The following TMEM178B variants were observed in gnomAD, a reference collection of about 807,000 sequenced individuals.
TMEM178B encodes transmembrane protein 178B.
A neutral mutation model predicts 31.0 loss-of-function variants in TMEM178B; 5 were observed. That is an observed-to-expected ratio of 0.16 (90% CI 0.08 to 0.34). The LOEUF (loss-of-function observed/expected upper bound fraction) is 0.34. TMEM178B is among the 10% of genes least tolerant of loss of function. TMEM178B has a pLI of 1.00. For missense variants in TMEM178B, 275 were observed against 400.3 expected (o/e 0.69, Z 2.67); for synonymous variants, 164 against 164.0 (o/e 1.00, Z 0.00).
intron 1 of TMEM178B, among the ~76,000 whole-genome samples, chr7:141,173,952 C>A (rs1196604616): frequency 6.6e-6 from 1 of 152,114 alleles, no homozygotes; most frequent in Non-Finnish European, 1.5e-5. Flanking sequence ...AGTCCTCCAT[C>A]ACAAAAACAT....
chr7:141,430,103 C>T (rs1801396207), intron 2 of TMEM178B: 2 of 152,210 alleles, frequency 1.3e-5, no homozygotes, highest in Admixed American at 6.5e-5. Context: ...TTTTGGTCCT[C>T]GGAGGATAGG....
chr7:141,446,734 C>G (rs1801764782), intron 3 of TMEM178B, among the ~76,000 whole-genome samples: 1 of 152,120 alleles, frequency 6.6e-6, no homozygotes, highest in Non-Finnish European at 1.5e-5. Context: ...ATTTTCTCAT[C>G]TATAAAAGAG....
chr7:141,260,124 G>T (rs1438402849), intron 2 of TMEM178B, among the ~76,000 whole-genome samples: 1 of 151,666 alleles, frequency 6.6e-6, no homozygotes, highest in African/African-American at 2.4e-5. Flanking sequence ...CTTCACCTTG[G>T]CATTGACCTT....
At chr7:141,133,523 G>A (rs1000617153) in intron 1 of TMEM178B, among the ~76,000 whole-genome samples, 2 of 151,964 alleles carry the variant, frequency 1.3e-5, no homozygotes, top group Admixed American at 6.6e-5. Context: ...CAGGTCTTTT[G>A]AAATAACCCA....
chr7:141,400,220 T>C (rs1455143059), intron 2 of TMEM178B, among the ~76,000 whole-genome samples: 1 of 152,224 alleles, frequency 6.6e-6, no homozygotes, highest in Non-Finnish European at 1.5e-5. Flanking sequence ...TCATATTTTT[T>C]ATCTTTCCTG....
At chr7:141,154,808 C>A (rs1027241351) in intron 1 of TMEM178B, among the ~76,000 whole-genome samples, 3 of 151,736 alleles carry the variant, frequency 2.0e-5, no homozygotes, top group Non-Finnish European at 4.4e-5. Flanking sequence ...TGGCCCACTG[C>A]AACCTCCACT....
At chr7:141,268,619 C>A (rs1052926809) in intron 2 of TMEM178B, among the ~76,000 whole-genome samples, 2 of 152,196 alleles carry the variant, frequency 1.3e-5, no homozygotes, top group African/African-American at 4.8e-5. Flanking sequence ...AACTGTTGCA[C>A]CCAGATCAGC....
intron 2 of TMEM178B, among the ~76,000 whole-genome samples, chr7:141,375,836 C>G (rs1218109288): frequency 6.6e-6 from 1 of 152,150 alleles, no homozygotes; most frequent in Non-Finnish European, 1.5e-5. Flanking sequence ...AGGCCAGCCT[C>G]TTAGACATAA....
At chr7:141,235,002 A>G (rs1797505002) in intron 2 of TMEM178B, among the ~76,000 whole-genome samples, 1 of 152,240 alleles carries the variant, frequency 6.6e-6, no homozygotes, top group African/African-American at 2.4e-5. Flanking sequence ...TCCTAAGGCC[A>G]TGTAAAAAGA....
intron 2 of TMEM178B, among the ~76,000 whole-genome samples, chr7:141,410,599 C>T (rs1800967360): frequency 6.6e-6 from 1 of 151,450 alleles, no homozygotes; most frequent in African/African-American, 2.4e-5. Context: ...TAATAATCCA[C>T]CTACATCCTC....
intron 2 of TMEM178B, among the ~76,000 whole-genome samples, chr7:141,271,726 G>C (rs1455382752): frequency 6.6e-6 from 1 of 152,196 alleles, no homozygotes; most frequent in African/African-American, 2.4e-5. Context: ...TAACAATACT[G>C]AACATTGACT....
At chr7:141,081,872 C>T (rs1254378245) in intron 1 of TMEM178B, among the ~76,000 whole-genome samples, 1 of 152,188 alleles carries the variant, frequency 6.6e-6, no homozygotes, top group Non-Finnish European at 1.5e-5. Context: ...CTCACTGACT[C>T]ACCCAAAGCA....
chr7:141,294,347 C>T (rs1798595222), intron 2 of TMEM178B, among the ~76,000 whole-genome samples: 3 of 152,154 alleles, frequency 2.0e-5, no homozygotes, highest in Admixed American at 2.0e-4. Context: ...TCTGAGACAG[C>T]CAGGCCTTTT....
In TMEM178B at chr7:141,478,597, T is replaced by C. The variant is rs1054161288; in HGVS notation, c.*7811T>C. On this transcript the variant is annotated 3_prime_UTR_variant, in exon 4 of 4. Coordinates refer to ENST00000565468, the MANE Select transcript of TMEM178B (RefSeq NM_001195278.2). ...AACAGCTAAAATCAGTGAAATTAAT[T>C]TTTAGACTACATTTTAACCTAACAT... The C allele has an allele frequency of 3.3e-5, 5 of 152,336 alleles. No homozygotes were observed. Among genetic ancestry groups the C allele is most frequent in the East Asian group, 1.9e-4 (1 of 5,192 alleles). The allele number at this position is 152,336 out of a possible 1,614,324, so 9.4% of individuals were successfully genotyped here.
At chr7:141,147,595 G>A (rs1388315775) in intron 1 of TMEM178B, among the ~76,000 whole-genome samples, 1 of 152,146 alleles carries the variant, frequency 6.6e-6, no homozygotes, top group Non-Finnish European at 1.5e-5. Flanking sequence ...GGAGGGGTGA[G>A]CATATGCAAT....
At chr7:141,086,555 G>C (rs1794791449) in intron 1 of TMEM178B, among the ~76,000 whole-genome samples, 3 of 152,050 alleles carry the variant, frequency 2.0e-5, no homozygotes, top group Admixed American at 2.0e-4. Flanking sequence ...ATTCTCTAAA[G>C]AAACATATTT....
At chr7:141,455,524 C>T (rs1801947413) in intron 3 of TMEM178B, among the ~76,000 whole-genome samples, 1 of 152,234 alleles carries the variant, frequency 6.6e-6, no homozygotes, top group Admixed American at 6.5e-5. Flanking sequence ...TGAGAGGCAA[C>T]TTAAAAAGTG....
At chr7:141,270,152 A>G (rs114841629) in intron 2 of TMEM178B, among the ~76,000 whole-genome samples, 1,546 of 152,294 alleles carry the variant, frequency 0.01, 27 homozygotes, top group African/African-American at 0.035. Context: ...AGAATATAGT[A>G]GCAGAAGTAA....
At chr7:141,406,542 C>T (rs923570063) in intron 2 of TMEM178B, among the ~76,000 whole-genome samples, 3 of 152,198 alleles carry the variant, frequency 2.0e-5, no homozygotes, top group South Asian at 4.1e-4. Flanking sequence ...CTTATCATTG[C>T]ACTGATGTTG....
Sources: gnomAD v4.1 joint callset for allele counts (sites outside exome capture counted in the v4.1 genomes callset) on GRCh38, gnomAD v4.1.1 for gene constraint, MANE v1.5 for transcripts, NCBI Gene and HGNC (gene_info 2026-07-23, HGNC 2026-07-21) for gene names.